The following GOLM1 variants were observed in gnomAD, a reference collection of about 807,000 sequenced individuals.
The protein encoded by GOLM1 is epididymis luminal protein 46.
In GOLM1, 31 loss-of-function variants were observed where a neutral mutation model predicts 50.5. The observed-to-expected ratio is 0.61, with a 90% CI of 0.46 to 0.83. GOLM1 has a LOEUF of 0.83. Among genes scored for constraint, GOLM1 ranks in the 40% least tolerant of loss-of-function variants. The pLI, the probability that GOLM1 is intolerant of heterozygous loss-of-function variation, is 0.00. For missense variants in GOLM1, 491 were observed against 501.3 expected (o/e 0.98, Z 0.20); for synonymous variants, 178 against 192.8 (o/e 0.92, Z 0.64).
At chr9:86,059,077 A>AC (rs71505773) in intron 3 of GOLM1, among the ~76,000 whole-genome samples, 1,658 of 149,610 alleles carry the variant, frequency 0.011, 23 homozygotes, top group African/African-American at 0.03. Flanking sequence ...AGAAACTAGA[A>AC]CCCCCCCCCA....
intron 9 of GOLM1, among the ~76,000 whole-genome samples, chr9:86,028,561 G>C (rs1198184275): frequency 6.6e-6 from 1 of 152,144 alleles, no homozygotes; most frequent in Non-Finnish European, 1.5e-5. Flanking sequence ...CAAGAACCTG[G>C]GATACAGAAA....
chr9:86,037,034 C>G (rs1833168151), intron 6 of GOLM1, among the ~76,000 whole-genome samples: 1 of 152,184 alleles, frequency 6.6e-6, no homozygotes, highest in Non-Finnish European at 1.5e-5. Context: ...CAGGATGAAA[C>G]TTATGACATT....
intron 3 of GOLM1, among the ~76,000 whole-genome samples, chr9:86,060,411 A>G (rs930504439): frequency 3.3e-5 from 5 of 152,144 alleles, no homozygotes; most frequent in Non-Finnish European, 1.5e-5. Flanking sequence ...TCACACACAC[A>G]AACAACAAGA....
chr9:86,036,335 G>A lies in GOLM1; in HGVS notation c.757+13C>T, dbSNP rs1475690554. 6.2e-7 allele frequency: 1 copy of A among 1,613,988 alleles called. No homozygotes were observed. Among genetic ancestry groups the A allele is most frequent in the Non-Finnish European group, 8.5e-7 (1 of 1,179,838 alleles). On this transcript the variant is annotated intron_variant, in intron 7 of 9. Transcript: ENST00000388712. ...GAGAGCTGGGAACAGGGCAACTGCT[G>A]GGCTCTGCTTACCTTTCTCAACTTG...
At chr9:86,092,342 A>G (rs1349006803) in intron 1 of GOLM1, among the ~76,000 whole-genome samples, 1 of 152,148 alleles carries the variant, frequency 6.6e-6, no homozygotes, top group Non-Finnish European at 1.5e-5. Context: ...TAACCATTCT[A>G]CTTTATAGCA....
intron 6 of GOLM1, among the ~76,000 whole-genome samples, chr9:86,038,683 G>C (rs1013593419): frequency 6.6e-6 from 1 of 152,142 alleles, no homozygotes; most frequent in Non-Finnish European, 1.5e-5. Context: ...AATTCAGTGG[G>C]GGAAAAGCAG....
In GOLM1 at chr9:86,036,438, CTTG is replaced by C; in HGVS notation, c.664_666del (p.Gln222del). 1 of 1,614,150 alleles carries C rather than the reference CTTG, an allele frequency of 6.2e-7. No individual in the cohort carries two copies. Among genetic ancestry groups the C allele is most frequent in the Non-Finnish European group, 8.5e-7 (1 of 1,180,020 alleles). On this transcript the variant is annotated inframe_deletion, in exon 7 of 10. Transcript: ENST00000388712. The stretch of plus-strand genomic sequence containing the variant: ...CTGTTACCAAGCACGTTTCCCTTCC[CTTG>C]TGGCACCTCTGTGTGTGGCAGGCCT...
chr9:86,071,369 T>A (rs1439097898), intron 3 of GOLM1, among the ~76,000 whole-genome samples: 1 of 151,936 alleles, frequency 6.6e-6, no homozygotes, highest in African/African-American at 2.4e-5. Context: ...AAGCACCTAT[T>A]TTTTTTAATA....
In GOLM1 at chr9:86,099,422, G is replaced by T. The variant is rs1033442412; in HGVS notation, c.-33C>A. ...CGCCGCCCACTCACCTCTTTTCGAG[G>T]CTCCGGCCGCCACTCGGGGATCCGG... On this transcript the variant is annotated 5_prime_UTR_variant, in exon 1 of 10. Transcript: ENST00000388712. The T allele has an allele frequency of 6.6e-6, 1 of 150,948 alleles. No homozygotes were observed. Among genetic ancestry groups the T allele is most frequent in the Non-Finnish European group, 1.5e-5 (1 of 67,364 alleles). 9.4% of individuals were successfully genotyped at this position (150,948 alleles called of 1,614,324 possible).
intron 4 of GOLM1, among the ~76,000 whole-genome samples, chr9:86,049,379 TTAAAG>T (rs1379344358): frequency 6.6e-6 from 1 of 152,190 alleles, no homozygotes; most frequent in African/African-American, 2.4e-5. Context: ...CATATGAACT[TTAAAG>T]TAGTTTTTTC....
At chr9:86,051,294 A>AG (rs1833742166) in intron 4 of GOLM1, among the ~76,000 whole-genome samples, 3 of 152,200 alleles carry the variant, frequency 2.0e-5, no homozygotes, top group African/African-American at 7.2e-5. Context: ...CTATGTGGTC[A>AG]ATTTTGGAAT....
intron 1 of GOLM1, among the ~76,000 whole-genome samples, chr9:86,093,568 C>CAAAAA (rs35939357): frequency 1.0e-4 from 13 of 124,664 alleles, no homozygotes; most frequent in East Asian, 6.6e-4. Flanking sequence ...AGATTTCTGT[C>CAAAAA]AAAAAAAAAA....
intron 4 of GOLM1, among the ~76,000 whole-genome samples, chr9:86,048,318 G>A (rs1833623205): frequency 6.9e-6 from 1 of 145,912 alleles, no homozygotes; most frequent in Non-Finnish European, 1.5e-5. Flanking sequence ...ATTGTGAATA[G>A]TGCCACAATA....
At chr9:86,074,915 A>G (rs973561915) in intron 3 of GOLM1, among the ~76,000 whole-genome samples, 13 of 151,182 alleles carry the variant, frequency 8.6e-5, no homozygotes, top group African/African-American at 2.9e-4. Flanking sequence ...ATTTGGGAGG[A>G]AAAAAAAAAT....
chr9:86,072,395 A>G (rs2118830090), intron 3 of GOLM1, among the ~76,000 whole-genome samples: 1 of 152,314 alleles, frequency 6.6e-6, no homozygotes, highest in East Asian at 1.9e-4. Flanking sequence ...ACAGCTGTTG[A>G]GAAGCTCATG....
chr9:86,049,899 CTA>C (rs994773265), intron 4 of GOLM1, among the ~76,000 whole-genome samples: 19 of 152,184 alleles, frequency 1.2e-4, no homozygotes, highest in Non-Finnish European at 2.2e-4. Context: ...ACTTCCAACA[CTA>C]TGTTGAATAG....
intron 3 of GOLM1, among the ~76,000 whole-genome samples, chr9:86,052,980 C>A (rs1273595972): frequency 6.6e-6 from 1 of 151,368 alleles, no homozygotes; most frequent in Non-Finnish European, 1.5e-5. Context: ...CACACCAAAC[C>A]ACACCACGAC....
chr9:86,047,063 T>TATAAGCAGCCACTCCTGCTGGACA (rs1276832931), intron 4 of GOLM1, among the ~76,000 whole-genome samples: 1 of 152,136 alleles, frequency 6.6e-6, no homozygotes, highest in Admixed American at 6.6e-5. Context: ...GCCAGCATCC[T>TATAAGCAGCCACTCCTGCTGGACA]CCCTCGTCAT....
At chr9:86,061,873 T>A (rs1227261078) in intron 3 of GOLM1, among the ~76,000 whole-genome samples, 1 of 152,052 alleles carries the variant, frequency 6.6e-6, no homozygotes, top group Admixed American at 6.6e-5. Flanking sequence ...AATGGTAGGA[T>A]CCTGGTCAGA....
Sources: gnomAD v4.1 joint callset for allele counts (sites outside exome capture counted in the v4.1 genomes callset) on GRCh38, gnomAD v4.1.1 for gene constraint, MANE v1.5 for transcripts, NCBI Gene and HGNC (gene_info 2026-07-23, HGNC 2026-07-21) for gene names.